GDPD2: variants seen among roughly 807,000 people sequenced by gnomAD.
The protein encoded by GDPD2 is glycerophosphodiester phosphodiesterase domain containing 2.
A neutral mutation model predicts 49.2 loss-of-function variants in GDPD2; 23 were observed. The observed-to-expected ratio is 0.47, with a 90% CI of 0.34 to 0.66. The LOEUF (loss-of-function observed/expected upper bound fraction) is 0.66, where lower values mean the gene tolerates loss of function less well. Ranked by LOEUF, GDPD2 falls within the 30% of genes least tolerant of loss-of-function variation. GDPD2 has a pLI of 0.01. For synonymous variants in GDPD2, 167 were observed against 171.4 expected (o/e 0.97, Z 0.20); for missense variants, 338 against 424.7 (o/e 0.80, Z 1.79).
At position 70,431,094 on chromosome X, in the gene GDPD2, C is replaced by T. The variant is rs368338665; in HGVS notation, c.1307+1031C>T. On this transcript the variant is annotated intron_variant, in intron 12 of 15. Coordinates refer to ENST00000374382, the MANE Select transcript of GDPD2 (RefSeq NM_017711.4). ...TGAGCCACTGCCCCCCTCAGCCTCCCGGTTATAAGCATGAGCTATCTCACC... is the reference window on the plus strand; with the variant it reads ...TGAGCCACTGCCCCCCTCAGCCTCCTGGTTATAAGCATGAGCTATCTCACC... 8.5e-5 allele frequency: 97 copies of T among 1,141,900 alleles called. No individual in the cohort carries two copies. The highest frequency in any genetic ancestry group is 8.3e-4 in the African/African-American group (46 of 55,124). 94.1% of individuals were successfully genotyped at this position (1,141,900 alleles called of 1,213,427 possible). A position where few individuals can be genotyped will look rare whatever the true frequency, so the allele number is the denominator to read the frequency against.
rs2086436814 is a variant in GDPD2, at chrX:70,427,475, C to CTCTGCAAAGAGGCAGCCA, written c.936+19_936+36dup. On this transcript the variant is annotated intron_variant, in intron 10 of 15. Coordinates refer to ENST00000374382, the MANE Select transcript of GDPD2 (RefSeq NM_017711.4). The stretch of plus-strand genomic sequence containing the variant: ...CCTGGTTCCTAGAGGTGAGGACAGC[C>CTCTGCAAAGAGGCAGCCA]TCTGCAAAGAGGCAGCCATCTGCAG... 1.7e-6 allele frequency: 2 copies of CTCTGCAAAGAGGCAGCCA among 1,194,920 alleles called. No homozygotes were observed. Among genetic ancestry groups the CTCTGCAAAGAGGCAGCCA allele is most frequent in the African/African-American group, 1.7e-5 (1 of 57,500 alleles).
intron 12 of GDPD2, 70 bp from the exon 13 acceptor site, chrX:70,432,237 A>C (rs926674701): frequency 7.9e-5 from 76 of 964,532 alleles, no homozygotes; most frequent in Non-Finnish European, 6.4e-5. Flanking sequence ...AAGCACAGGC[A>C]GGGGGCTGCC....
chrX:70,433,171 G>C lies in GDPD2; in HGVS notation c.*85G>C. 2 of 771,957 alleles carry C rather than the reference G, an allele frequency of 2.6e-6. No homozygotes were observed. Among genetic ancestry groups the C allele is most frequent in the East Asian group, 6.7e-5 (2 of 29,947 alleles). 63.6% of individuals were successfully genotyped at this position (771,957 alleles called of 1,213,427 possible). A position where few individuals can be genotyped will look rare whatever the true frequency, so the allele number is the denominator to read the frequency against. ...AGAGTGGCTTAAGTGGAATGCTTCA[G>C]GGGTGGTGGGTTGCAAGTGGGGGGA... is the stretch of plus-strand genomic sequence containing the variant. On this transcript the variant is annotated 3_prime_UTR_variant, in exon 16 of 16. Coordinates refer to ENST00000374382, the MANE Select transcript of GDPD2 (RefSeq NM_017711.4).
chrX:70,431,718 TATAAA>T (rs751572502), intron 12 of GDPD2, among the ~76,000 whole-genome samples: 1 of 111,981 alleles, frequency 8.9e-6, no homozygotes, highest in African/African-American at 3.2e-5. Flanking sequence ...ACCCCGTCTC[TATAAA>T]ATAAAATAAA....
At chrX:70,431,541 A>G (rs1163627927) in intron 12 of GDPD2, among the ~76,000 whole-genome samples, 1 of 112,873 alleles carries the variant, frequency 8.9e-6, no homozygotes, top group Non-Finnish European at 1.9e-5. Context: ...ACCTGAATAC[A>G]GGCATAGTGC....
chrX:70,429,557 C>T lies in GDPD2; in HGVS notation c.1001C>T (p.Thr334Met), dbSNP rs200782055. 1.0e-4 allele frequency: 121 copies of T among 1,206,906 alleles called. No homozygotes were observed. The highest frequency in any genetic ancestry group is 1.5e-4 in the East Asian group (5 of 33,725). The change falls in exon 11 of 16, where the codon ACG (threonine) becomes ATG (methionine). Residue 334 changes from threonine to methionine, a missense_variant. Around this residue, in one of 3 missense-constraint regions of GDPD2, gnomAD observed 253 missense variants for 330.4 expected, o/e 0.77. Coordinates refer to ENST00000374382, the MANE Select transcript of GDPD2 (RefSeq NM_017711.4). Reference protein sequence around the residue: ...GPDQKEAESQTVPALEELLEE... With the variant: ...GPDQKEAESQMVPALEELLEE... ...GATCAGAAAGAGGCTGAGAGTCAGA[C>T]GGTACCAGCATTAGAAGAGCTATTG...
At position 70,433,103 on chromosome X, in the gene GDPD2, CCCCA is replaced by C. The variant is rs759978666; in HGVS notation, c.*22_*25del. 1 of 1,158,552 alleles carries C rather than the reference CCCCA, an allele frequency of 8.6e-7. No individual in the cohort carries two copies. The highest frequency in any genetic ancestry group is 1.8e-5 in the South Asian group (1 of 54,457). On this transcript the variant is annotated 3_prime_UTR_variant, in exon 16 of 16. Coordinates refer to ENST00000374382, the MANE Select transcript of GDPD2 (RefSeq NM_017711.4). ...ATGGAGTGAATGCCCTGCCCTGCTT[CCCCA>C]CCCAAGCCAGTCTACATTGCCCAAA...
chrX:70,426,328 G>A, intron 5 of GDPD2, 43 bp from the exon 6 acceptor site: 1 of 1,124,982 alleles, frequency 8.9e-7, no homozygotes, highest in African/African-American at 1.8e-5. Flanking sequence ...CCAACCATGA[G>A]CCCAAATTGA....
chrX:70,433,207 C>T lies in GDPD2; in HGVS notation c.*121C>T. The T allele has an allele frequency of 5.4e-6, 3 of 557,401 alleles. No homozygotes were observed. Among genetic ancestry groups the T allele is most frequent in the South Asian group, 2.7e-5 (1 of 37,012 alleles). 45.9% of individuals were successfully genotyped at this position (557,401 alleles called of 1,213,427 possible). On this transcript the variant is annotated 3_prime_UTR_variant, in exon 16 of 16. Coordinates refer to ENST00000374382, the MANE Select transcript of GDPD2 (RefSeq NM_017711.4). The stretch of plus-strand genomic sequence containing the variant: ...TTGCAAGTGGGGGGAGCTTTGCCAA[C>T]AGGAGGTTTTGAACCATGAGGGCCC...
intron 12 of GDPD2, among the ~76,000 whole-genome samples, chrX:70,431,838 C>T (rs2086479823): frequency 9.0e-6 from 1 of 111,186 alleles, no homozygotes; most frequent in East Asian, 2.8e-4. Context: ...CACTGCACTC[C>T]AGAGCAAGAT....
Position 70,426,406 on chromosome X carries a change from T to C in GDPD2, c.399T>C (p.Ala133=), listed in dbSNP as rs923380080. 2 of 1,211,687 alleles carry C rather than the reference T, an allele frequency of 1.7e-6. No homozygotes were observed. Among genetic ancestry groups the C allele is most frequent in the Non-Finnish European group, 2.2e-6 (2 of 895,322 alleles). ...TCCTCATTATGCTGCTTGTGGCGGC[T>C]GGCCTTGTGGGACTGGACATCCAAT... ...LLLLIMLLVA[A]GLVGLDIQWQ... is the part of the protein sequence containing the mutation. The change falls in exon 6 of 16, where the codon GCT becomes GCC. Residue 133 remains alanine, a synonymous_variant. Coordinates refer to ENST00000374382, the MANE Select transcript of GDPD2 (RefSeq NM_017711.4).
intron 1 of GDPD2, among the ~76,000 whole-genome samples, 160 bp from the exon 2 acceptor site, chrX:70,424,816 G>A (rs891701859): frequency 5.3e-5 from 6 of 112,818 alleles, no homozygotes; most frequent in African/African-American, 1.9e-4. Context: ...GGGGCTGCTC[G>A]CCTCATCCAC....
At chrX:70,430,781 C>CT (rs756300394) in intron 12 of GDPD2, among the ~76,000 whole-genome samples, 5 of 110,126 alleles carry the variant, frequency 4.5e-5, no homozygotes, top group Admixed American at 1.9e-4. Flanking sequence ...ATACATATTT[C>CT]TTTTTTTAAT....
intron 11 of GDPD2, 73 bp downstream of exon 11, chrX:70,429,787 G>T: frequency 9.5e-7 from 1 of 1,058,044 alleles, no homozygotes; most frequent in Non-Finnish European, 1.3e-6. Flanking sequence ...TTTTGAGGCT[G>T]CCCCTACCCC....
Position 70,427,447 on chromosome X carries a change from G to C in GDPD2, c.920G>C (p.Gly307Ala). The C allele has an allele frequency of 8.3e-7, 1 of 1,210,044 alleles. No homozygotes were observed. The highest frequency in any genetic ancestry group is 1.1e-6 in the Non-Finnish European group (1 of 894,070). The change falls in exon 10 of 16, where the codon GGA becomes GCA. Residue 307 changes from glycine to alanine, a missense_variant. Coordinates refer to ENST00000374382, the MANE Select transcript of GDPD2 (RefSeq NM_017711.4). ...ACTGAACTGAAGAGACTCAATGCTG[G>C]ATCCTGGTTCCTAGAGGTGAGGACA... Reference protein sequence around the residue: ...SWTELKRLNAGSWFLERRPFW... With the variant: ...SWTELKRLNAASWFLERRPFW...
chrX:70,425,551 G>T (rs1409537510), intron 3 of GDPD2, 94 bp downstream of exon 3: 5 of 611,985 alleles, frequency 8.2e-6, no homozygotes, highest in Non-Finnish European at 1.4e-5. Context: ...TCATCCCCCA[G>T]CCCTGCCCAG....
At chrX:70,431,110 C>A in intron 12 of GDPD2, 1 of 1,145,262 alleles carries the variant, frequency 8.7e-7, no homozygotes, top group Non-Finnish European at 1.2e-6. Context: ...TAAGCATGAG[C>A]TATCTCACCT....
chrX:70,425,721 A>T (rs1555957111), intron 3 of GDPD2, 42 bp from the exon 4 acceptor site: 1 of 762,770 alleles, frequency 1.3e-6, no homozygotes, highest in East Asian at 3.2e-5. Flanking sequence ...CACTATTGAC[A>T]CCCCTTCCCC....
At chrX:70,427,968 CCT>C (rs952842126) in intron 10 of GDPD2, 2 of 112,172 alleles carry the variant, frequency 1.8e-5, no homozygotes, top group African/African-American at 6.5e-5. Context: ...TTCCTCTTCC[CCT>C]GATTGTAAAA....
Sources: allele counts gnomAD v4.1 joint callset (sites outside exome capture counted in the v4.1 genomes callset), GRCh38; gene constraint gnomAD v4.1.1; regional missense constraint gnomAD v4.1.1; transcripts MANE v1.5; gene names NCBI Gene and HGNC (gene_info 2026-07-23, HGNC 2026-07-21).